PLCXD3: variants seen among roughly 807,000 people sequenced by gnomAD.
The protein encoded by PLCXD3 is phosphatidylinositol specific phospholipase C X domain containing 3.
Under a neutral mutation model 25.5 loss-of-function variants are expected in PLCXD3, and 19 were observed. The observed-to-expected ratio is 0.75, with a 90% CI of 0.52 to 1.09. The LOEUF is 1.09. Among genes scored for constraint, PLCXD3 ranks in the 50% least tolerant of loss-of-function variants. The probability of loss-of-function intolerance (pLI) is 0.00; values close to 1 mark genes in which losing one functional copy is unlikely to be tolerated. For missense variants in PLCXD3, 411 were observed against 388.1 expected, an observed-to-expected ratio of 1.06 and a Z score of -0.50; for synonymous variants, 174 against 137.6, an observed-to-expected ratio of 1.26 and a Z score of -1.85.
chr5:41,446,176 C>CA (rs70988847), intron 1 of PLCXD3, among the ~76,000 whole-genome samples: 825 of 38,066 alleles, frequency 0.022, 39 homozygotes, highest in African/African-American at 0.034. Context: ...GACTCCTTCT[C>CA]AAAAAAAAAA....
intron 1 of PLCXD3, among the ~76,000 whole-genome samples, chr5:41,396,163 C>A (rs1200545207): frequency 3.9e-5 from 6 of 152,148 alleles, no homozygotes; most frequent in Admixed American, 3.9e-4. Flanking sequence ...TGTGTCCCCA[C>A]CCAAATCTTA....
chr5:41,383,447 A>G (rs932663335), intron 1 of PLCXD3, among the ~76,000 whole-genome samples: 2 of 152,116 alleles, frequency 1.3e-5, no homozygotes, highest in African/African-American at 2.4e-5. Flanking sequence ...AGAGAGTGCC[A>G]TTTGAAACTC....
At chr5:41,461,699 C>T (rs1352940280) in intron 1 of PLCXD3, among the ~76,000 whole-genome samples, 1 of 151,912 alleles carries the variant, frequency 6.6e-6, no homozygotes, top group Non-Finnish European at 1.5e-5. Context: ...TAAGGAGTCA[C>T]CACAGCTACT....
At chr5:41,388,415 C>T (rs1745706773) in intron 1 of PLCXD3, among the ~76,000 whole-genome samples, 4 of 151,926 alleles carry the variant, frequency 2.6e-5, no homozygotes, top group African/African-American at 7.3e-5. Context: ...CCACTGTCAC[C>T]TCCAGGATAG....
At chr5:41,468,295 G>A (rs1748072017) in intron 1 of PLCXD3, among the ~76,000 whole-genome samples, 1 of 152,000 alleles carries the variant, frequency 6.6e-6, no homozygotes, top group Non-Finnish European at 1.5e-5. Context: ...TGAGATTACA[G>A]GCATGAGCCA....
chr5:41,331,698 C>A (rs900032814), intron 2 of PLCXD3, among the ~76,000 whole-genome samples: 16 of 152,262 alleles, frequency 1.1e-4, no homozygotes, highest in Non-Finnish European at 4.4e-5. Flanking sequence ...AACTATACTA[C>A]AAGGCTACAG....
At chr5:41,496,874 T>C (rs950148830) in intron 1 of PLCXD3, among the ~76,000 whole-genome samples, 1 of 151,500 alleles carries the variant, frequency 6.6e-6, no homozygotes, top group Admixed American at 6.6e-5. Flanking sequence ...AAAAATAACT[T>C]ATAGCTAGAA....
At chr5:41,436,704 G>C (rs1383661112) in intron 1 of PLCXD3, among the ~76,000 whole-genome samples, 5 of 152,114 alleles carry the variant, frequency 3.3e-5, no homozygotes, top group African/African-American at 1.2e-4. Flanking sequence ...AGTGTGTAAA[G>C]GGCCAAATCC....
At chr5:41,504,913 A>G (rs1465994991) in intron 1 of PLCXD3, among the ~76,000 whole-genome samples, 1 of 152,202 alleles carries the variant, frequency 6.6e-6, no homozygotes, top group African/African-American at 2.4e-5. Context: ...GACAGTTGCT[A>G]TGACTCTGAT....
At chr5:41,370,360 G>A (rs76419494) in intron 2 of PLCXD3, among the ~76,000 whole-genome samples, 2 of 151,982 alleles carry the variant, frequency 1.3e-5, no homozygotes, top group African/African-American at 4.8e-5. Flanking sequence ...AATCCTCCAA[G>A]GTCAGGTATT....
chr5:41,470,181 G>T lies in PLCXD3; in HGVS notation c.103+40243C>A, dbSNP rs1478787167. Among the ~76,000 whole-genome samples, 12 of 152,140 alleles carry T rather than the reference G, an allele frequency of 7.9e-5. No individual in the cohort carries two copies. The East Asian group carries it at 2.3e-3, about 29-fold the overall frequency. On this transcript the variant is annotated intron_variant, in intron 1 of 2. Coordinates refer to ENST00000377801, the MANE Select transcript of PLCXD3 (RefSeq NM_001005473.3). ...CCTTCCCAAACAAAGGGGGGTGGCA[G>T]TTAAAAAACCATAAGAATTATGATA...
chr5:41,441,594 G>A (rs1052967741), intron 1 of PLCXD3, among the ~76,000 whole-genome samples: 2 of 152,098 alleles, frequency 1.3e-5, no homozygotes, highest in African/African-American at 4.8e-5. Context: ...TTGCCCACAC[G>A]AGCCACCACT....
At chr5:41,324,585 A>G (rs560639757) in intron 2 of PLCXD3, among the ~76,000 whole-genome samples, 1 of 152,274 alleles carries the variant, frequency 6.6e-6, no homozygotes, top group African/African-American at 2.4e-5. Context: ...AAAATGGACA[A>G]TCTGGATCCC....
chr5:41,317,545 A>C (rs1580294667), intron 2 of PLCXD3, among the ~76,000 whole-genome samples: 1 of 152,210 alleles, frequency 6.6e-6, no homozygotes, highest in Non-Finnish European at 1.5e-5. Context: ...ATCCTGGAGA[A>C]ACAGAGATAT....
At chr5:41,488,521 T>C (rs986302279) in intron 1 of PLCXD3, among the ~76,000 whole-genome samples, 8 of 135,848 alleles carry the variant, frequency 5.9e-5, no homozygotes, top group African/African-American at 2.1e-4. Flanking sequence ...TCCACAAGGG[T>C]TGAACTAGTT....
At chr5:41,458,367 G>T (rs1165021252) in intron 1 of PLCXD3, among the ~76,000 whole-genome samples, 2 of 151,856 alleles carry the variant, frequency 1.3e-5, no homozygotes, top group Non-Finnish European at 2.9e-5. Flanking sequence ...AATAAAACCA[G>T]AATTAGTGAA....
intron 1 of PLCXD3, among the ~76,000 whole-genome samples, chr5:41,386,673 G>A (rs73750153): frequency 0.03 from 4,569 of 152,152 alleles, 240 homozygotes; most frequent in African/African-American, 0.1. Context: ...GAGACAACAA[G>A]CAGCAACAGA....
chr5:41,341,750 C>A (rs1009120629), intron 2 of PLCXD3, among the ~76,000 whole-genome samples: 1 of 152,042 alleles, frequency 6.6e-6, no homozygotes, highest in Non-Finnish European at 1.5e-5. Flanking sequence ...ATTTTTACAT[C>A]TCTTGGAATC....
intron 1 of PLCXD3, among the ~76,000 whole-genome samples, chr5:41,494,247 G>A (rs960677203): frequency 6.6e-6 from 1 of 152,026 alleles, no homozygotes; most frequent in Non-Finnish European, 1.5e-5. Flanking sequence ...AGGTGTGGAG[G>A]GTTTTATATA....
Sources: gnomAD v4.1 joint callset for allele counts (sites outside exome capture counted in the v4.1 genomes callset) on GRCh38, gnomAD v4.1.1 for gene constraint, MANE v1.5 for transcripts, NCBI Gene and HGNC (gene_info 2026-07-23, HGNC 2026-07-21) for gene names.